PLS1: variants seen among roughly 807,000 people sequenced by gnomAD.
PLS1 encodes plastin 1, also known as plastin-1.
A neutral mutation model predicts 73.7 loss-of-function variants in PLS1; 32 were observed. The observed-to-expected ratio is 0.43, with a 90% confidence interval of 0.33 to 0.58. The LOEUF is 0.58. PLS1 is among the 20% of genes least tolerant of loss of function. The probability of loss-of-function intolerance (pLI) is 0.04; values close to 1 mark genes in which losing one functional copy is unlikely to be tolerated. For missense variants in PLS1, 633 were observed against 740.5 expected, an observed-to-expected ratio of 0.85 and a Z score of 1.68; for synonymous variants, 217 against 261.3, an observed-to-expected ratio of 0.83 and a Z score of 1.63.
intron 1 of PLS1, among the ~76,000 whole-genome samples, chr3:142,626,753 G>A (rs1357154386): frequency 1.3e-5 from 2 of 152,082 alleles, no homozygotes; most frequent in African/African-American, 4.8e-5. Flanking sequence ...TATATGATTT[G>A]TATTTTTTAC....
rs751530005 is a variant in PLS1 at position 142,704,578 on chromosome 3, A to G, written c.1621A>G (p.Ser541Gly). 3.5e-5 allele frequency: 55 copies of G among 1,579,114 alleles called. No individual in the cohort carries two copies. Among genetic ancestry groups the G allele is most frequent in the Non-Finnish European group, 4.7e-5 (54 of 1,161,204 alleles). The change falls in exon 14 of 16, where the codon AGC (serine) becomes GGC (glycine). Residue 541 changes from serine to glycine, a missense_variant. Transcript: ENST00000457734. ...KSANKKTSIS[S>G]FKDKSISTSL... is the part of the protein sequence containing the mutation. The stretch of plus-strand genomic sequence containing the variant: ...TGCAAACAAAAAGACTTCTATTTCC[A>G]GCTTCAAGGTAATCAAGAGTCCTAA...
intron 1 of PLS1, among the ~76,000 whole-genome samples, chr3:142,663,008 G>A (rs1322107500): frequency 6.6e-6 from 1 of 151,998 alleles, no homozygotes. Flanking sequence ...TCAGGAGTTC[G>A]AGACCAGCCT....
chr3:142,600,684 G>A (rs573639321), intron 1 of PLS1, among the ~76,000 whole-genome samples: 30 of 151,698 alleles, frequency 2.0e-4, no homozygotes, highest in African/African-American at 7.3e-4. Flanking sequence ...TGCACACAGC[G>A]ATGAGGGAGC....
intron 1 of PLS1, among the ~76,000 whole-genome samples, chr3:142,640,777 CA>C (rs2036813776): frequency 6.6e-6 from 1 of 152,046 alleles, no homozygotes; most frequent in Admixed American, 6.6e-5. Context: ...ATTTAGAGGC[CA>C]GTTTGGATTT....
intron 1 of PLS1, among the ~76,000 whole-genome samples, chr3:142,658,753 G>A (rs1486871608): frequency 6.6e-6 from 1 of 152,132 alleles, no homozygotes; most frequent in East Asian, 1.9e-4. Flanking sequence ...TTTTACTGAT[G>A]TATACATATT....
At chr3:142,678,632 A>G (rs2107869510) in intron 6 of PLS1, among the ~76,000 whole-genome samples, 1 of 150,310 alleles carries the variant, frequency 6.7e-6, no homozygotes, top group African/African-American at 2.4e-5. Flanking sequence ...ATAGTATTCC[A>G]TGGTGTATAT....
Position 142,712,472 on chromosome 3 carries a change from T to C in PLS1, c.*465T>C, listed in dbSNP as rs1933185549. 6.5e-6 allele frequency: 1 copy of C among 154,170 alleles called. No homozygotes were observed. The highest frequency in any genetic ancestry group is 2.4e-5 in the African/African-American group (1 of 41,468). The allele number at this position is 154,170 out of a possible 1,614,324, so 9.6% of individuals were successfully genotyped here. A position where few individuals can be genotyped will look rare whatever the true frequency, so the allele number is the denominator to read the frequency against. ...CTATTTAAAGTGGTCCAAAAACACT[T>C]TTCTGTAAGTTTCTATACTGTCTAA... On this transcript the variant is annotated 3_prime_UTR_variant, in exon 16 of 16. Coordinates refer to ENST00000457734, the MANE Select transcript of PLS1 (RefSeq NM_001145319.2).
chr3:142,643,214 G>T (rs2036879159), intron 1 of PLS1, among the ~76,000 whole-genome samples: 1 of 152,180 alleles, frequency 6.6e-6, no homozygotes, highest in Non-Finnish European at 1.5e-5. Flanking sequence ...AGCCCAGAAA[G>T]GAAGGGCCAG....
chr3:142,664,165 AG>A, intron 1 of PLS1, 36 bp from the exon 2 acceptor site: 1 of 815,102 alleles, frequency 1.2e-6, no homozygotes, highest in South Asian at 1.6e-5. Context: ...ATGTTTCCAA[AG>A]GCTTCATGCT....
At chr3:142,604,716 C>T (rs1052335378) in intron 1 of PLS1, among the ~76,000 whole-genome samples, 56 of 152,072 alleles carry the variant, frequency 3.7e-4, no homozygotes, top group African/African-American at 1.7e-4. Context: ...AGGCGGATCA[C>T]GAGGTCAGGA....
intron 1 of PLS1, among the ~76,000 whole-genome samples, chr3:142,608,150 C>G (rs1311243237): frequency 6.6e-6 from 1 of 152,100 alleles, no homozygotes; most frequent in African/African-American, 2.4e-5. Flanking sequence ...CTATGCCTGG[C>G]TGGGAAACTC....
At chr3:142,684,418 T>C (rs1269429480) in intron 8 of PLS1, 23 bp downstream of exon 8, 3 of 1,598,062 alleles carry the variant, frequency 1.9e-6, no homozygotes, top group African/African-American at 2.7e-5. Context: ...ATGTTCAAAT[T>C]TGTGACATGA....
At chr3:142,672,948 C>A (rs2037638993) in intron 4 of PLS1, among the ~76,000 whole-genome samples, 1 of 152,190 alleles carries the variant, frequency 6.6e-6, no homozygotes, top group African/African-American at 2.4e-5. Flanking sequence ...GAAGGCTCTG[C>A]AACCATTAAA....
rs1372111363 is a variant in PLS1, at chr3:142,670,984, C to T, written c.235-9C>T. 1.3e-6 allele frequency: 2 copies of T among 1,568,746 alleles called. No homozygotes were observed. The highest frequency in any genetic ancestry group is 1.7e-5 in the Admixed American group (1 of 58,128). On this transcript the variant is annotated splice_polypyrimidine_tract_variant and intron_variant, in intron 3 of 15. Transcript: ENST00000457734. ...TCTGATTCTCAATTTTACTTATGTT[C>T]CATTCCAGCTAATGCAAGAATTAAA...
chr3:142,609,781 T>C (rs528930704), intron 1 of PLS1, among the ~76,000 whole-genome samples: 32 of 152,352 alleles, frequency 2.1e-4, no homozygotes, highest in African/African-American at 7.5e-4. Flanking sequence ...GTGGATATGG[T>C]TATACCTTCT....
intron 1 of PLS1, among the ~76,000 whole-genome samples, chr3:142,606,781 T>C (rs1174834916): frequency 6.6e-6 from 1 of 151,260 alleles, no homozygotes; most frequent in Non-Finnish European, 1.5e-5. Flanking sequence ...CAAGACTTCT[T>C]TTCATAGGTG....
chr3:142,611,987 T>C (rs2036131217), intron 1 of PLS1, among the ~76,000 whole-genome samples: 1 of 152,194 alleles, frequency 6.6e-6, no homozygotes, highest in South Asian at 2.1e-4. Flanking sequence ...TCAAGAATTC[T>C]AACTCTAAAA....
At chr3:142,685,016 C>T (rs1329333371) in intron 8 of PLS1, among the ~76,000 whole-genome samples, 1 of 152,042 alleles carries the variant, frequency 6.6e-6, no homozygotes, top group Non-Finnish European at 1.5e-5. Flanking sequence ...TCTTTATGTC[C>T]TCCCCCATCC....
At chr3:142,632,694 G>A (rs2036592543) in intron 1 of PLS1, among the ~76,000 whole-genome samples, 1 of 151,872 alleles carries the variant, frequency 6.6e-6, no homozygotes, top group African/African-American at 2.4e-5. Flanking sequence ...TACCTCCTGG[G>A]TTCCAGCGAT....
Sources: gnomAD v4.1 joint callset for allele counts (sites outside exome capture counted in the v4.1 genomes callset) on GRCh38, gnomAD v4.1.1 for gene constraint, MANE v1.5 for transcripts, NCBI Gene and HGNC (gene_info 2026-07-23, HGNC 2026-07-21) for gene names.